GOLGA6B: variants seen among roughly 807,000 people sequenced by gnomAD.
GOLGA6B encodes the protein golgin subfamily A member 6B.
GOLGA6B carries 11 observed loss-of-function variants against 63.0 expected under a neutral mutation model. That is an observed-to-expected ratio of 0.17 (90% CI 0.11 to 0.29). The LOEUF is 0.29. Ranked by LOEUF, GOLGA6B falls within the 10% of genes least tolerant of loss-of-function variation. The probability of loss-of-function intolerance (pLI) is 1.00; values close to 1 mark genes in which losing one functional copy is unlikely to be tolerated. For missense variants in GOLGA6B, 134 were observed against 563.8 expected (o/e 0.24, Z 7.72); for synonymous variants, 46 against 232.6 (o/e 0.20, Z 7.30).
intron 12 of GOLGA6B, among the ~76,000 whole-genome samples, chr15:72,663,669 C>G (rs1486457599): frequency 7.9e-6 from 1 of 126,930 alleles, no homozygotes; most frequent in Non-Finnish European, 1.8e-5. Context: ...CAGAGTGACA[C>G]TGTCTCAAAA....
rs1413249822 is a variant in GOLGA6B at position 72,667,621 on chromosome 15, C to T, written c.*1279C>T. 1.8e-4 allele frequency among the ~76,000 whole-genome samples: 28 copies of T among 152,200 alleles called. No individual in the cohort carries two copies. The highest frequency in any genetic ancestry group is 3.4e-3 in the Middle Eastern group (1 of 294). Reference sequence around the variant, plus strand: ...TCTTCAGCCACATTAGTTACTCTGACGTAGGAATTTACTTCTTTTCTTTGA... The same window carrying T: ...TCTTCAGCCACATTAGTTACTCTGATGTAGGAATTTACTTCTTTTCTTTGA... On this transcript the variant is annotated 3_prime_UTR_variant, in exon 18 of 18. Transcript: ENST00000421285.
rs774132427 is a variant in GOLGA6B, at chr15:72,664,490, C to T, written c.1480C>T (p.Leu494Phe). The T allele has an allele frequency of 7.4e-7, 1 of 1,356,992 alleles. No individual in the cohort carries two copies. Among genetic ancestry groups the T allele is most frequent in the African/African-American group, 1.4e-5 (1 of 69,130 alleles). The allele number at this position is 1,356,992 out of a possible 1,614,324, so 84.1% of individuals were successfully genotyped here. The change falls in exon 13 of 18, where the codon CTC becomes TTC. Residue 494 changes from leucine to phenylalanine, a missense_variant. Coordinates refer to ENST00000421285, the MANE Select transcript of GOLGA6B (RefSeq NM_018652.5). ...QNQQLETQLSLVALPGEGDGG... is the reference protein window; with the variant it reads ...QNQQLETQLSFVALPGEGDGG... ...CCAACAGCTAGAGACCCAGCTAAGC[C>T]TCGTGGCTCTCCCGGGAGAAGGTAC...
chr15:72,664,307 A>C (rs1397202686), intron 12 of GOLGA6B, 129 bp from the exon 13 acceptor site: 1 of 1,167,552 alleles, frequency 8.6e-7, no homozygotes, highest in Non-Finnish European at 1.2e-6. Flanking sequence ...AGCTTGGGGC[A>C]AAGCGGTGGC....
At position 72,664,004 on chromosome 15, in the gene GOLGA6B, G is replaced by T. The variant is rs1279315605; in HGVS notation, c.1426-432G>T. On this transcript the variant is annotated intron_variant, in intron 12 of 17. Coordinates refer to ENST00000421285, the MANE Select transcript of GOLGA6B (RefSeq NM_018652.5). Reference sequence around the variant, plus strand: ...GCAAGAGAGGAAGCCTCTTAGGCCTGGAGCAAGGGACCAGGGTCCTGGGCA... The same window carrying T: ...GCAAGAGAGGAAGCCTCTTAGGCCTTGAGCAAGGGACCAGGGTCCTGGGCA... Among the ~76,000 whole-genome samples, 2 of 129,886 alleles carry T rather than the reference G, an allele frequency of 1.5e-5. 1 individual carries two copies. Among genetic ancestry groups the T allele is most frequent in the African/African-American group, 5.3e-5 (2 of 37,694 alleles). 85.2% of individuals were successfully genotyped at this position (129,886 alleles called of 152,430 possible).
At chr15:72,657,385 CGGG>C (rs1008482583) in intron 2 of GOLGA6B, among the ~76,000 whole-genome samples, 39 of 150,840 alleles carry the variant, frequency 2.6e-4, no homozygotes, top group African/African-American at 9.3e-4. Flanking sequence ...CTGCGTCACT[CGGG>C]GGACTTTTCC....
rs1162589402 is a variant in GOLGA6B at position 72,664,515 on chromosome 15, C to T, written c.1501+4C>T. On this transcript the variant is annotated splice_donor_region_variant and intron_variant, in intron 13 of 17. Transcript: ENST00000421285. ...CTCGTGGCTCTCCCGGGAGAAGGTA[C>T]AGGAGACCACTCAGAGGAAGAGGAG... 6.7e-6 allele frequency: 9 copies of T among 1,350,610 alleles called. No individual in the cohort carries two copies. In the African/African-American group the frequency reaches 7.3e-5, roughly 11 times the overall value. The allele number at this position is 1,350,610 out of a possible 1,614,324, so 83.7% of individuals were successfully genotyped here. A position where few individuals can be genotyped will look rare whatever the true frequency, so the allele number is the denominator to read the frequency against.
rs1376842404 is a variant in GOLGA6B, at chr15:72,657,289, G to C, written c.204+658G>C. ...GAGGTGGAGGTCTGGAGCTCTACCA[G>C]ATTCATCGCCCATGTCCTGGGCCTG... On this transcript the variant is annotated intron_variant, in intron 2 of 17. Transcript: ENST00000421285. Among the ~76,000 whole-genome samples, 27 of 108,284 alleles carry C rather than the reference G, an allele frequency of 2.5e-4. 1 individual carries two copies. The highest frequency in any genetic ancestry group is 9.4e-4 in the African/African-American group (27 of 28,636). The allele number at this position is 108,284 out of a possible 152,430, so 71.0% of individuals were successfully genotyped here. A position where few individuals can be genotyped will look rare whatever the true frequency, so the allele number is the denominator to read the frequency against.
chr15:72,669,179 A>G lies in GOLGA6B; in HGVS notation c.*2837A>G, dbSNP rs867301474. On this transcript the variant is annotated 3_prime_UTR_variant, in exon 18 of 18. Transcript: ENST00000421285. ...ATTTGTTTAACCTGATGGGTTTTCC[A>G]GAAATGAAAACAAGTCAGTTCTAAA... 2.3e-3 allele frequency among the ~76,000 whole-genome samples: 349 copies of G among 152,326 alleles called. No homozygotes were observed. Among genetic ancestry groups the G allele is most frequent in the African/African-American group, 8.2e-3 (340 of 41,566 alleles).
At chr15:72,657,477 C>A (rs1378062980) in intron 2 of GOLGA6B, among the ~76,000 whole-genome samples, 5 of 146,364 alleles carry the variant, frequency 3.4e-5, no homozygotes, top group Admixed American at 6.8e-5. Context: ...TTAATCTCCT[C>A]TGCTCTTCTT....
rs1470939622 is a variant in GOLGA6B at position 72,669,446 on chromosome 15, T to G, written c.*3104T>G. Among the ~76,000 whole-genome samples, 3 of 150,148 alleles carry G rather than the reference T, an allele frequency of 2.0e-5. No individual in the cohort carries two copies. The highest frequency in any genetic ancestry group is 7.3e-5 in the African/African-American group (3 of 41,070). ...ATGCCAATTCCAATGCAAGGCTTTA[T>G]TTGCCAAGTTTTCTTAGAATGACTT... On this transcript the variant is annotated 3_prime_UTR_variant, in exon 18 of 18. Coordinates refer to ENST00000421285, the MANE Select transcript of GOLGA6B (RefSeq NM_018652.5).
rs1466618831 is a variant in GOLGA6B, at chr15:72,662,365, C to T, written c.961C>T (p.Gln321Ter). ...AGGTCTGGAGGGAAAGCTCCAATCC[C>T]AGGTGGAAAACAATCAGGCCTTGAG... is the stretch of plus-strand genomic sequence containing the variant. ...VEGLEGKLQS[Q>*]VENNQALSLL... The change falls in exon 11 of 18, where the codon CAG becomes TAG. Residue 321 changes from glutamine to a stop codon, truncating the protein, a stop_gained. Coordinates refer to ENST00000421285, the MANE Select transcript of GOLGA6B (RefSeq NM_018652.5). LOFTEE classifies it high-confidence loss of function. 3 of 1,390,682 alleles carry T rather than the reference C, an allele frequency of 2.2e-6. 1 individual carries two copies. The highest frequency in any genetic ancestry group is 1.5e-5 in the African/African-American group (1 of 67,118). 86.1% of individuals were successfully genotyped at this position (1,390,682 alleles called of 1,614,324 possible). A position where few individuals can be genotyped will look rare whatever the true frequency, so the allele number is the denominator to read the frequency against.
intron 7 of GOLGA6B, 35 bp from the exon 8 acceptor site, chr15:72,661,229 C>A: frequency 6.2e-7 from 1 of 1,611,872 alleles, no homozygotes; most frequent in South Asian, 1.1e-5. Context: ...TGCCTGAGCT[C>A]CCCAGATCAA....
chr15:72,664,286 C>T lies in GOLGA6B; in HGVS notation c.1426-150C>T, dbSNP rs553322916. On this transcript the variant is annotated intron_variant, in intron 12 of 17. Coordinates refer to ENST00000421285, the MANE Select transcript of GOLGA6B (RefSeq NM_018652.5). ...GCAGACCCAGCTCGTGGACCAGCTG[C>T]AGCAGCAGGAAGCTTGGGGCAAAGC... 1.7e-5 allele frequency: 19 copies of T among 1,094,406 alleles called. 2 individuals are homozygous for T. In the East Asian group the frequency reaches 2.2e-4, roughly 13 times the overall value. 67.8% of individuals were successfully genotyped at this position (1,094,406 alleles called of 1,614,324 possible).
rs1270616521 is a variant in GOLGA6B, at chr15:72,668,216, AG to A, written c.*1875del. ...TTTATACATATGACGTTAATAGGAG[AG>A]CAATAATACGATTTTACAGATGGAA... On this transcript the variant is annotated 3_prime_UTR_variant, in exon 18 of 18. Coordinates refer to ENST00000421285, the MANE Select transcript of GOLGA6B (RefSeq NM_018652.5). Among the ~76,000 whole-genome samples, 1 of 139,748 alleles carries A rather than the reference AG, an allele frequency of 7.2e-6. No individual in the cohort carries two copies. The highest frequency in any genetic ancestry group is 7.2e-5 in the Admixed American group (1 of 13,980). The allele number at this position is 139,748 out of a possible 152,430, so 91.7% of individuals were successfully genotyped here.
At chr15:72,665,373 T>C (rs373295973) in intron 14 of GOLGA6B, among the ~76,000 whole-genome samples, 1,620 of 10,538 alleles carry the variant, frequency 0.15, 54 homozygotes, top group Middle Eastern at 0.36. Context: ...AAGGCTGTGC[T>C]GCCTGCACCT....
In GOLGA6B at chr15:72,662,433, G is replaced by A; in HGVS notation, c.1029G>A (p.Glu343=). ...AAAAGCAGAGACTCCAGGAGCAGGAGGAGATGCTCCGAGAGCAGGAGGTGC... is the reference window on the plus strand; with the variant it reads ...AAAAGCAGAGACTCCAGGAGCAGGAAGAGATGCTCCGAGAGCAGGAGGTGC... The part of the protein sequence containing the change: ...KEQKQRLQEQ[E]EMLREQEVQR... The change falls in exon 11 of 18, where the codon GAG becomes GAA. Residue 343 remains glutamate (E), a synonymous_variant. Transcript: ENST00000421285. The A allele has an allele frequency of 1.4e-6, 2 of 1,395,456 alleles. No homozygotes were observed. Among genetic ancestry groups the A allele is most frequent in the Non-Finnish European group, 1.9e-6 (2 of 1,028,146 alleles). 86.4% of individuals were successfully genotyped at this position (1,395,456 alleles called of 1,614,324 possible).
intron 12 of GOLGA6B, among the ~76,000 whole-genome samples, chr15:72,663,978 G>A (rs1280103803): frequency 7.7e-6 from 1 of 130,340 alleles, no homozygotes; most frequent in Non-Finnish European, 1.7e-5. Context: ...TGGGGTTCTA[G>A]GCAAGAGAGG....
Position 72,669,389 on chromosome 15 carries a change from A to G in GOLGA6B, c.*3047A>G, listed in dbSNP as rs935965728. Reference sequence around the variant, plus strand: ...ATATGAATACTGTAGTTTGAAAGAAAGAAACTGGGGGAAGGAAAAGTAGAG... The same window carrying G: ...ATATGAATACTGTAGTTTGAAAGAAGGAAACTGGGGGAAGGAAAAGTAGAG... On this transcript the variant is annotated 3_prime_UTR_variant, in exon 18 of 18. Coordinates refer to ENST00000421285, the MANE Select transcript of GOLGA6B (RefSeq NM_018652.5). Among the ~76,000 whole-genome samples the G allele has an allele frequency of 6.6e-6, 1 of 151,714 alleles. No homozygotes were observed. The highest frequency in any genetic ancestry group is 2.4e-5 in the African/African-American group (1 of 41,400).
At position 72,664,170 on chromosome 15, in the gene GOLGA6B, G is replaced by A. The variant is rs565669581; in HGVS notation, c.1426-266G>A. Among the ~76,000 whole-genome samples the A allele has an allele frequency of 1.5e-4, 20 of 130,766 alleles. 6 individuals carry two copies. The highest frequency in any genetic ancestry group is 2.8e-4 in the Non-Finnish European group (16 of 57,836). 85.8% of individuals were successfully genotyped at this position (130,766 alleles called of 152,430 possible). A position where few individuals can be genotyped will look rare whatever the true frequency, so the allele number is the denominator to read the frequency against. On this transcript the variant is annotated intron_variant, in intron 12 of 17. Coordinates refer to ENST00000421285, the MANE Select transcript of GOLGA6B (RefSeq NM_018652.5). ...GGGTCTCAGAGTCTGCAGCAGCAGC[G>A]AGACTAGTACCTGGGTCACCTGCAG...
Sources: gnomAD v4.1 joint callset for allele counts (sites outside exome capture counted in the v4.1 genomes callset) on GRCh38, gnomAD v4.1.1 for gene constraint, MANE v1.5 for transcripts, NCBI Gene and HGNC (gene_info 2026-07-23, HGNC 2026-07-21) for gene names.